Variants in OR10K2 observed in about 807,000 individuals in gnomAD.
The protein encoded by OR10K2 is olfactory receptor 10K2.
For missense variants in OR10K2, 401 were observed against 367.1 expected, an observed-to-expected ratio of 1.09 and a Z score of -0.76; for synonymous variants, 169 against 146.4, an observed-to-expected ratio of 1.15 and a Z score of -1.11.
Position 158,418,819 on chromosome 1 carries a change from A to G in OR10K2, c.*1109T>C, listed in dbSNP as rs1655088067. 6.6e-6 allele frequency: 1 copy of G among 152,152 alleles called. No homozygotes were observed. Among genetic ancestry groups the G allele is most frequent in the Non-Finnish European group, 1.5e-5 (1 of 68,022 alleles). 9.4% of individuals were successfully genotyped at this position (152,152 alleles called of 1,614,324 possible). On this transcript the variant is annotated 3_prime_UTR_variant, in exon 2 of 2. Coordinates refer to ENST00000641042, the MANE Select transcript of OR10K2 (RefSeq NM_001004476.2). ...GAAAGGACAGAGAATGAAAACATCA[A>G]ATTCAAGTTCTGGTCTCAAATGTAC...
chr1:158,420,118 A>C lies in OR10K2; in HGVS notation c.749T>G (p.Val250Gly), dbSNP rs777357085. Residue 250 changes from valine to glycine, a missense_variant, in exon 2 of 2, where the codon GTC becomes GGC. Coordinates refer to ENST00000641042, the MANE Select transcript of OR10K2 (RefSeq NM_001004476.2). ...TCVSHLIIVTVHYGCASFIYL... is the reference protein window; with the variant it reads ...TCVSHLIIVTGHYGCASFIYL... Reference sequence around the variant, plus strand: ...GATAAAGGAGGCACAGCCATAGTGGACAGTGACAATAATGAGGTGAGATAC... The same window carrying C: ...GATAAAGGAGGCACAGCCATAGTGGCCAGTGACAATAATGAGGTGAGATAC... The C allele has an allele frequency of 6.2e-6, 10 of 1,613,748 alleles. No individual in the cohort carries two copies. The East Asian group carries it at 1.1e-4, about 18-fold the overall frequency.
At position 158,419,459 on chromosome 1, in the gene OR10K2, CA is replaced by C. The variant is rs1655100236; in HGVS notation, c.*468del. 6.4e-6 allele frequency: 1 copy of C among 155,248 alleles called. No homozygotes were observed. The highest frequency in any genetic ancestry group is 2.0e-4 in the South Asian group (1 of 4,998). 9.6% of individuals were successfully genotyped at this position (155,248 alleles called of 1,614,324 possible). ...TAGGCAATAATTCATGTGAGTGTGGCAAGCAGTTGTGTTTTTCTAAATTTTA... is the reference window on the plus strand; with the variant it reads ...TAGGCAATAATTCATGTGAGTGTGGCAGCAGTTGTGTTTTTCTAAATTTTA... On this transcript the variant is annotated 3_prime_UTR_variant, in exon 2 of 2. Coordinates refer to ENST00000641042, the MANE Select transcript of OR10K2 (RefSeq NM_001004476.2).
rs1655127212 is a variant in OR10K2 at position 158,420,383 on chromosome 1, A to G, written c.484T>C (p.Leu162=). The stretch of plus-strand genomic sequence containing the variant: ...GAATAAAAAGGCAGGTGAAATACCA[A>G]GGATGTGATGATCTGTGCAACAGTG... The part of the protein sequence containing the change: ...GFTVAQIITS[L]VFHLPFYSSN... Residue 162 remains leucine (L), a synonymous_variant, in exon 2 of 2, where the codon TTG becomes CTG. Transcript: ENST00000641042. 6.2e-7 allele frequency: 1 copy of G among 1,613,914 alleles called. No individual in the cohort carries two copies. Among genetic ancestry groups the G allele is most frequent in the African/African-American group, 1.3e-5 (1 of 75,034 alleles).
chr1:158,422,778 C>A (rs1383608835), intron 1 of OR10K2, among the ~76,000 whole-genome samples: 5 of 151,910 alleles, frequency 3.3e-5, no homozygotes, highest in Admixed American at 3.3e-4. Flanking sequence ...AATGAAGATA[C>A]ACATTTAAAT....
intron 1 of OR10K2, among the ~76,000 whole-genome samples, chr1:158,421,167 A>T (rs1163175006): frequency 6.6e-6 from 1 of 152,108 alleles, no homozygotes; most frequent in African/African-American, 2.4e-5. Flanking sequence ...GCTGTTGCTC[A>T]GATTCTTAGC....
rs57525598 is a variant in OR10K2 at position 158,419,840 on chromosome 1, G to C, written c.*88C>G. On this transcript the variant is annotated 3_prime_UTR_variant, in exon 2 of 2. Coordinates refer to ENST00000641042, the MANE Select transcript of OR10K2 (RefSeq NM_001004476.2). ...TTGGCCAGGCTGGTCTTGAAGTCCT[G>C]ACCTCAGGTGATCCACCTGTCTCAG... The C allele has an allele frequency of 0.34, 373,576 of 1,089,084 alleles. 67,195 individuals carry two copies. Among genetic ancestry groups the C allele is most frequent in the Non-Finnish European group, 0.37 (279,172 of 748,452 alleles). 67.5% of individuals were successfully genotyped at this position (1,089,084 alleles called of 1,614,324 possible). A position where few individuals can be genotyped will look rare whatever the true frequency, so the allele number is the denominator to read the frequency against.
rs200460213 is a variant in OR10K2 at position 158,420,475 on chromosome 1, C to T, written c.392G>A (p.Arg131His). Residue 131 changes from arginine (R) to histidine (H), a missense_variant, in exon 2 of 2, where the codon CGC becomes CAC. Transcript: ENST00000641042. The part of the protein sequence containing the change: ...DRYIAICNPL[R>H]YSVLMGHGVC... ...CCCATGTCCCATTAGCACTGAGTAG[C>T]GCAGTGGGTTACAGATGGCTATGTA... 61 of 1,613,832 alleles carry T rather than the reference C, an allele frequency of 3.8e-5. No individual in the cohort carries two copies. Among genetic ancestry groups the T allele is most frequent in the East Asian group, 2.0e-4 (9 of 44,856 alleles).
intron 1 of OR10K2, among the ~76,000 whole-genome samples, chr1:158,425,137 T>C (rs1343469523): frequency 2.0e-5 from 3 of 152,052 alleles, no homozygotes; most frequent in East Asian, 3.9e-4. Context: ...TTTAATAAAA[T>C]AAAGATCATT....
intron 1 of OR10K2, among the ~76,000 whole-genome samples, chr1:158,422,329 A>G (rs1293352618): frequency 2.0e-5 from 3 of 152,112 alleles, no homozygotes; most frequent in African/African-American, 7.2e-5. Flanking sequence ...CTCACAGAGT[A>G]AGAGAATTCT....
Position 158,419,128 on chromosome 1 carries a change from C to A in OR10K2, c.*800G>T, listed in dbSNP as rs533000149. 1.3e-4 allele frequency: 20 copies of A among 154,790 alleles called. No individual in the cohort carries two copies. The South Asian group carries it at 4.1e-3, about 31-fold the overall frequency. 9.6% of individuals were successfully genotyped at this position (154,790 alleles called of 1,614,324 possible). A position where few individuals can be genotyped will look rare whatever the true frequency, so the allele number is the denominator to read the frequency against. On this transcript the variant is annotated 3_prime_UTR_variant, in exon 2 of 2. Coordinates refer to ENST00000641042, the MANE Select transcript of OR10K2 (RefSeq NM_001004476.2). ...ACTTTTCATAATTTTCTAACTTGAA[C>A]ATTATTTGGATATATCTTATGCATC...
At position 158,420,397 on chromosome 1, in the gene OR10K2, T is replaced by C; in HGVS notation, c.470A>G (p.Gln157Arg). ...GTGAAATACCAAGGATGTGATGATC[T>C]GTGCAACAGTGAAGCCACAGGCACA... is the stretch of plus-strand genomic sequence containing the variant. ...AACACGFTVA[Q>R]IITSLVFHLP... is the part of the protein sequence containing the mutation. Residue 157 changes from glutamine (Q) to arginine (R), a missense_variant, in exon 2 of 2, where the codon CAG becomes CGG. Gln to Arg is a conservative substitution (Grantham distance 43). Coordinates refer to ENST00000641042, the MANE Select transcript of OR10K2 (RefSeq NM_001004476.2). 1 of 1,613,906 alleles carries C rather than the reference T, an allele frequency of 6.2e-7. No homozygotes were observed. Among genetic ancestry groups the C allele is most frequent in the Non-Finnish European group, 8.5e-7 (1 of 1,179,924 alleles).
chr1:158,420,916 C>G lies in OR10K2; in HGVS notation c.-50G>C, dbSNP rs1178293006. 2 of 1,500,296 alleles carry G rather than the reference C, an allele frequency of 1.3e-6. No homozygotes were observed. The highest frequency in any genetic ancestry group is 2.5e-5 in the South Asian group (2 of 79,518). 92.9% of individuals were successfully genotyped at this position (1,500,296 alleles called of 1,614,324 possible). A position where few individuals can be genotyped will look rare whatever the true frequency, so the allele number is the denominator to read the frequency against. On this transcript the variant is annotated 5_prime_UTR_variant, in exon 2 of 2. Coordinates refer to ENST00000641042, the MANE Select transcript of OR10K2 (RefSeq NM_001004476.2). ...TTAGGGAGAGAAGAGGAGTCAGCAC[C>G]AAAAGAAATCCCTGAAAATAAGTAG...
At chr1:158,423,133 A>G (rs1007851112) in intron 1 of OR10K2, among the ~76,000 whole-genome samples, 1 of 151,366 alleles carries the variant, frequency 6.6e-6, no homozygotes, top group Non-Finnish European at 1.5e-5. Context: ...TTCTGCTTGC[A>G]TGTTCTACTT....
At chr1:158,424,655 A>G (rs1655217076) in intron 1 of OR10K2, among the ~76,000 whole-genome samples, 1 of 151,992 alleles carries the variant, frequency 6.6e-6, no homozygotes, top group Non-Finnish European at 1.5e-5. Flanking sequence ...TATTATAAAG[A>G]TAAGAAATTT....
At chr1:158,421,599 T>C (rs367847692) in intron 1 of OR10K2, among the ~76,000 whole-genome samples, 2 of 152,292 alleles carry the variant, frequency 1.3e-5, no homozygotes, top group African/African-American at 4.8e-5. Context: ...CAATCTTTCT[T>C]CAGGATTCTG....
intron 1 of OR10K2, among the ~76,000 whole-genome samples, chr1:158,422,446 C>T (rs1367840889): frequency 6.6e-6 from 1 of 152,004 alleles, no homozygotes; most frequent in Non-Finnish European, 1.5e-5. Context: ...AAAGAGAAAT[C>T]TCTGTTTACA....
chr1:158,419,390 A>T lies in OR10K2; in HGVS notation c.*538T>A, dbSNP rs749845617. 1.3e-5 allele frequency: 2 copies of T among 153,506 alleles called. No individual in the cohort carries two copies. The highest frequency in any genetic ancestry group is 4.9e-5 in the African/African-American group (2 of 41,036). The allele number at this position is 153,506 out of a possible 1,614,324, so 9.5% of individuals were successfully genotyped here. A position where few individuals can be genotyped will look rare whatever the true frequency, so the allele number is the denominator to read the frequency against. On this transcript the variant is annotated 3_prime_UTR_variant, in exon 2 of 2. Transcript: ENST00000641042. ...CTGAACATACATATGCTTCCCCATA[A>T]TAGCCATCTGTTATTTTTTAATCAA...
chr1:158,420,519 T>G lies in OR10K2; in HGVS notation c.348A>C (p.Ala116=). 6.2e-7 allele frequency: 1 copy of G among 1,613,772 alleles called. No individual in the cohort carries two copies. The highest frequency in any genetic ancestry group is 8.5e-7 in the Non-Finnish European group (1 of 1,179,862). ...CTATGTAACGATCATAACCCATGAC[T>G]GCCAGCAGAAAGGAGTGAGAGCAGC... ...FLGCSHSFLL[A]VMGYDRYIAI... The change falls in exon 2 of 2, where the codon GCA becomes GCC. Residue 116 remains alanine (A), a synonymous_variant. Coordinates refer to ENST00000641042, the MANE Select transcript of OR10K2 (RefSeq NM_001004476.2).
chr1:158,424,015 T>C (rs1169626691), intron 1 of OR10K2, among the ~76,000 whole-genome samples: 1 of 152,048 alleles, frequency 6.6e-6, no homozygotes, highest in African/African-American at 2.4e-5. Context: ...TAAAATAGCC[T>C]ATAAACATTA....
Sources: gnomAD v4.1 joint callset for allele counts (sites outside exome capture counted in the v4.1 genomes callset) on GRCh38, gnomAD v4.1.1 for gene constraint, MANE v1.5 for transcripts, NCBI Gene and HGNC (gene_info 2026-07-23, HGNC 2026-07-21) for gene names.